The following CAMTA1 variants were observed in gnomAD, a reference collection of about 807,000 sequenced individuals.
The protein encoded by CAMTA1 is calmodulin binding transcription activator 1.
Under a neutral mutation model 170.9 loss-of-function variants are expected in CAMTA1, and 27 were observed. That is an observed-to-expected ratio of 0.16 (90% CI 0.12 to 0.22). CAMTA1 has a LOEUF of 0.22. CAMTA1 is among the 10% of genes least tolerant of loss of function. CAMTA1 has a pLI of 1.00. For missense variants in CAMTA1, 1,619 were observed against 2,217.2 expected (o/e 0.73, Z 5.42); for synonymous variants, 833 against 891.5 (o/e 0.93, Z 1.17).
chr1:7,131,467 A>G (rs1054358547), intron 4 of CAMTA1, among the ~76,000 whole-genome samples: 1 of 150,964 alleles, frequency 6.6e-6, no homozygotes, highest in Non-Finnish European at 1.5e-5. Flanking sequence ...GGTCTATCAT[A>G]GTTTCAAGTT....
intron 5 of CAMTA1, among the ~76,000 whole-genome samples, chr1:7,294,473 C>T (rs1054388059): frequency 6.6e-6 from 1 of 152,138 alleles, no homozygotes; most frequent in Non-Finnish European, 1.5e-5. Flanking sequence ...CAGCAGTGTG[C>T]GGGGGACAGG....
intron 11 of CAMTA1, among the ~76,000 whole-genome samples, chr1:7,704,161 C>T (rs1305515080): frequency 6.7e-6 from 1 of 150,050 alleles, no homozygotes; most frequent in Non-Finnish European, 1.5e-5. Flanking sequence ...ATTGCAGACG[C>T]CGCCGCCGCA....
intron 5 of CAMTA1, among the ~76,000 whole-genome samples, chr1:7,264,360 A>G (rs1273703002): frequency 6.6e-6 from 1 of 152,166 alleles, no homozygotes; most frequent in Non-Finnish European, 1.5e-5. Flanking sequence ...ATGGAAGAGA[A>G]CAAGTGCCTG....
intron 3 of CAMTA1, among the ~76,000 whole-genome samples, chr1:7,053,921 T>C (rs1706878468): frequency 6.6e-6 from 1 of 152,234 alleles, no homozygotes; most frequent in South Asian, 2.1e-4. Context: ...TCCCTGGCGC[T>C]GTCTCCTCCT....
chr1:6,826,640 T>A (rs1457051419), intron 3 of CAMTA1, among the ~76,000 whole-genome samples: 2 of 152,254 alleles, frequency 1.3e-5, no homozygotes, highest in South Asian at 2.1e-4. Context: ...TATTTATAAA[T>A]GTAACCCAAC....
At chr1:7,594,861 T>C (rs888915567) in intron 6 of CAMTA1, among the ~76,000 whole-genome samples, 8 of 152,218 alleles carry the variant, frequency 5.3e-5, no homozygotes, top group Non-Finnish European at 1.0e-4. Flanking sequence ...TCGGGTCATA[T>C]TGCAGTCGAG....
rs946390675 is a variant in CAMTA1, at chr1:7,063,525, C to T, written c.235-27779C>T. ...CAGACTACCTTCTAGACAGAACTTT[C>T]CAACTCTTGAAAGATTTCTTCTGAA... On this transcript the variant is annotated intron_variant, in intron 3 of 22. Transcript: ENST00000303635. This position sits in a 1 kb window ranked among gnomAD's most constrained non-coding sequence, Gnocchi z 4.3. Among the ~76,000 whole-genome samples, 1 of 152,246 alleles carries T rather than the reference C, an allele frequency of 6.6e-6. No individual in the cohort carries two copies. Among genetic ancestry groups the T allele is most frequent in the Non-Finnish European group, 1.5e-5 (1 of 68,048 alleles).
intron 6 of CAMTA1, among the ~76,000 whole-genome samples, chr1:7,526,943 G>T (rs1575807807): frequency 1.3e-5 from 2 of 152,174 alleles, no homozygotes; most frequent in Non-Finnish European, 2.9e-5. Context: ...AGCTGCTGGG[G>T]CCTGTGTTTC....
rs1010632785 is a variant in CAMTA1 at position 7,063,298 on chromosome 1, A to G, written c.235-28006A>G. Among the ~76,000 whole-genome samples, 1 of 152,194 alleles carries G rather than the reference A, an allele frequency of 6.6e-6. No individual in the cohort carries two copies. The highest frequency in any genetic ancestry group is 2.4e-5 in the African/African-American group (1 of 41,442). ...GGAAAGACAGGGACGACTCTTCCGC[A>G]ACACCTCTCAGACCCGTCAGTGTGC... On this transcript the variant is annotated intron_variant, in intron 3 of 22. Coordinates refer to ENST00000303635, the MANE Select transcript of CAMTA1 (RefSeq NM_015215.4). This position sits in a 1 kb window ranked among gnomAD's most constrained non-coding sequence, Gnocchi z 4.3.
intron 3 of CAMTA1, among the ~76,000 whole-genome samples, chr1:7,023,338 C>T (rs976890017): frequency 6.6e-6 from 1 of 152,220 alleles, no homozygotes; most frequent in African/African-American, 2.4e-5. Flanking sequence ...CAACACAAGG[C>T]ACACATGAGA....
chr1:6,918,071 G>T lies in CAMTA1; in HGVS notation c.234+92861G>T, dbSNP rs1185320508. ...CCAAATGCCCAAGTTCTTGGGCCTT[G>T]CTTGCTTGTCTCTAACTTTCCTTCT... On this transcript the variant is annotated intron_variant, in intron 3 of 22. Coordinates refer to ENST00000303635, the MANE Select transcript of CAMTA1 (RefSeq NM_015215.4). The surrounding 1 kb of genome is among the most constrained non-coding windows in gnomAD (Gnocchi z 4.0). Among the ~76,000 whole-genome samples the T allele has an allele frequency of 6.6e-6, 1 of 152,114 alleles. No individual in the cohort carries two copies. The highest frequency in any genetic ancestry group is 1.5e-5 in the Non-Finnish European group (1 of 68,020).
rs113066857 is a variant in CAMTA1 at position 6,875,544 on chromosome 1, C to T, written c.234+50334C>T. The stretch of plus-strand genomic sequence containing the variant: ...TCGTGATTTGTCCACTTTGGCCTCC[C>T]GATGTGCTGGGATTATTGGTGTGAG... On this transcript the variant is annotated intron_variant, in intron 3 of 22. Transcript: ENST00000303635. Among the ~76,000 whole-genome samples the T allele has an allele frequency of 1.1e-4, 16 of 152,260 alleles. 1 individual carries two copies. Among genetic ancestry groups the T allele is most frequent in the African/African-American group, 3.1e-4 (13 of 41,550 alleles).
chr1:7,195,733 T>C lies in CAMTA1; in HGVS notation c.303-53758T>C, dbSNP rs1655404687. The stretch of plus-strand genomic sequence containing the variant: ...ATAAAGGGGTTCGATTAAGAGAGCT[T>C]GTGGGCTGGGCGCAGTGGCTCATGC... On this transcript the variant is annotated intron_variant, in intron 4 of 22. Coordinates refer to ENST00000303635, the MANE Select transcript of CAMTA1 (RefSeq NM_015215.4). This position sits in a 1 kb window ranked among gnomAD's most constrained non-coding sequence, Gnocchi z 4.1. Among the ~76,000 whole-genome samples, 2 of 152,178 alleles carry C rather than the reference T, an allele frequency of 1.3e-5. No homozygotes were observed. The highest frequency in any genetic ancestry group is 4.8e-5 in the African/African-American group (2 of 41,454).
chr1:6,800,862 A>G (rs1392662551), intron 1 of CAMTA1, among the ~76,000 whole-genome samples: 1 of 152,202 alleles, frequency 6.6e-6, no homozygotes, highest in Non-Finnish European at 1.5e-5. Flanking sequence ...TTCATTTTTA[A>G]AGATACTGAG....
Position 6,825,192 on chromosome 1 carries a change from C to T in CAMTA1, c.216C>T (p.His72=). The change falls in exon 3 of 23, where the codon CAC becomes CAT. Residue 72 remains histidine (H), a synonymous_variant. Transcript: ENST00000303635. ...GTTCAAGTTTACCAAAAGAGAGGCA[C>T]CGCTGGAACACTAATGAGGTAGATA... ...PKCSSLPKER[H]RWNTNEEIAA... 2 of 1,600,054 alleles carry T rather than the reference C, an allele frequency of 1.2e-6. No individual in the cohort carries two copies. Among genetic ancestry groups the T allele is most frequent in the Non-Finnish European group, 1.7e-6 (2 of 1,172,348 alleles).
chr1:6,840,857 T>C (rs1465295255), intron 3 of CAMTA1, among the ~76,000 whole-genome samples: 1 of 152,120 alleles, frequency 6.6e-6, no homozygotes, highest in African/African-American at 2.4e-5. Flanking sequence ...GAAGGACATG[T>C]TTTAAGGAGG....
chr1:7,026,107 G>A (rs1286349328), intron 3 of CAMTA1, among the ~76,000 whole-genome samples: 3 of 151,252 alleles, frequency 2.0e-5, no homozygotes, highest in Non-Finnish European at 2.9e-5. Context: ...GCAACAGAGC[G>A]AGACCCTGCC....
chr1:7,183,734 T>C (rs561338775), intron 4 of CAMTA1, among the ~76,000 whole-genome samples: 42 of 152,194 alleles, frequency 2.8e-4, no homozygotes, highest in Admixed American at 2.3e-3. Context: ...GAAGAGCATC[T>C]GTGGGTGGGA....
At chr1:6,928,284 G>A (rs552228382) in intron 3 of CAMTA1, among the ~76,000 whole-genome samples, 2 of 152,274 alleles carry the variant, frequency 1.3e-5, no homozygotes, top group African/African-American at 4.8e-5. Flanking sequence ...TGGTGCGTAC[G>A]TGCCCTCTGC....
Sources: allele counts gnomAD v4.1 joint callset (sites outside exome capture counted in the v4.1 genomes callset), GRCh38; gene constraint gnomAD v4.1.1; non-coding constraint Gnocchi (gnomAD v3.1); transcripts MANE v1.5; gene names NCBI Gene and HGNC (gene_info 2026-07-23, HGNC 2026-07-21).